The following P2RY10 variants were observed in gnomAD, a reference collection of about 807,000 sequenced individuals.
The protein encoded by P2RY10 is P2Y receptor family member 10.
In P2RY10, 4 loss-of-function variants were observed where a neutral mutation model predicts 12.1. The observed-to-expected ratio is 0.33, with a 90% CI of 0.16 to 0.76. The LOEUF (loss-of-function observed/expected upper bound fraction) is 0.76, where lower values mean the gene tolerates loss of function less well. Among genes scored for constraint, P2RY10 ranks in the 30% least tolerant of loss-of-function variants. P2RY10 has a pLI of 0.61. For missense variants in P2RY10, 233 were observed against 264.6 expected (o/e 0.88, Z 0.83); for synonymous variants, 112 against 94.1 (o/e 1.19, Z -1.10).
rs1192236820 is a variant in P2RY10 at position 78,962,549 on chromosome X, A to C, written c.*1009A>C. 1.8e-5 allele frequency among the ~76,000 whole-genome samples: 2 copies of C among 111,878 alleles called. No individual in the cohort carries two copies. Among genetic ancestry groups the C allele is most frequent in the African/African-American group, 6.5e-5 (2 of 30,754 alleles). ...AGCTAAGCCACATGAGATCAAGGCC[A>C]TTTCAACATGGTTTGCCTGGAATTC... On this transcript the variant is annotated 3_prime_UTR_variant, in exon 4 of 4. Coordinates refer to ENST00000171757, the MANE Select transcript of P2RY10 (RefSeq NM_014499.4).
rs761291604 is a variant in P2RY10 at position 78,962,928 on chromosome X, T to C, written c.*1388T>C. Among the ~76,000 whole-genome samples the C allele has an allele frequency of 6.2e-5, 7 of 112,444 alleles. No individual in the cohort carries two copies. Among genetic ancestry groups the C allele is most frequent in the African/African-American group, 2.3e-4 (7 of 31,048 alleles). ...ACTTTTAAGAAGATTTCTGTGAGCG[T>C]AATTGACAATATCTGCATTAGAAAC... On this transcript the variant is annotated 3_prime_UTR_variant, in exon 4 of 4. Coordinates refer to ENST00000171757, the MANE Select transcript of P2RY10 (RefSeq NM_014499.4).
At chrX:78,954,532 A>T (rs1026736983) in intron 3 of P2RY10, among the ~76,000 whole-genome samples, 1 of 112,385 alleles carries the variant, frequency 8.9e-6, no homozygotes, top group Non-Finnish European at 1.9e-5. Context: ...TTATTAAAAA[A>T]TTGACTTCCA....
At chrX:78,957,235 C>A (rs1922373377) in intron 3 of P2RY10, among the ~76,000 whole-genome samples, 1 of 109,160 alleles carries the variant, frequency 9.2e-6, no homozygotes, top group Non-Finnish European at 1.9e-5. Context: ...TCCCACATCC[C>A]TATGAGACAG....
At chrX:78,947,960 C>T (rs1921925642) in intron 2 of P2RY10, 97 bp downstream of exon 2, 1 of 204,379 alleles carries the variant, frequency 4.9e-6, no homozygotes, top group Non-Finnish European at 7.3e-6. Flanking sequence ...ACTCAGTTGG[C>T]ATTTCTCAAT....
rs774412112 is a variant in P2RY10 at position 78,950,087 on chromosome X, A to G, written c.-156-2106A>G. 3.6e-5 allele frequency among the ~76,000 whole-genome samples: 4 copies of G among 111,971 alleles called. No homozygotes were observed. The East Asian group carries it at 8.3e-4, about 23-fold the overall frequency. On this transcript the variant is annotated intron_variant, in intron 2 of 3. Transcript: ENST00000171757. ...CCCTCCCAGGATGACAAGCCCACAG[A>G]CAGGCTTCAGCATCAAATAAAATGG...
chrX:78,950,671 A>G (rs1198383183), intron 2 of P2RY10, among the ~76,000 whole-genome samples: 1 of 111,967 alleles, frequency 8.9e-6, no homozygotes, highest in East Asian at 2.8e-4. Flanking sequence ...CCATATATGC[A>G]TAGTGCATAT....
At chrX:78,956,765 A>G (rs1045212548) in intron 3 of P2RY10, among the ~76,000 whole-genome samples, 1 of 111,422 alleles carries the variant, frequency 9.0e-6, no homozygotes, top group Non-Finnish European at 1.9e-5. Flanking sequence ...CCACTTATTT[A>G]ACCTCTTTGA....
At chrX:78,957,650 G>C (rs1489958882) in intron 3 of P2RY10, among the ~76,000 whole-genome samples, 1 of 111,184 alleles carries the variant, frequency 9.0e-6, no homozygotes, top group Non-Finnish European at 1.9e-5. Context: ...TGGTCACTAA[G>C]AAGATTTGGG....
chrX:78,962,668 A>C lies in P2RY10; in HGVS notation c.*1128A>C, dbSNP rs1417648478. Among the ~76,000 whole-genome samples the C allele has an allele frequency of 9.0e-6, 1 of 111,228 alleles. No homozygotes were observed. The highest frequency in any genetic ancestry group is 1.9e-5 in the Non-Finnish European group (1 of 53,038). The stretch of plus-strand genomic sequence containing the variant: ...AGATGCGTTGTCCTAATACTGTTCC[A>C]AGGTAGAGAATCCTGATGATAAGGA... On this transcript the variant is annotated 3_prime_UTR_variant, in exon 4 of 4. Transcript: ENST00000171757.
chrX:78,954,914 G>A (rs764898395), intron 3 of P2RY10, among the ~76,000 whole-genome samples: 18 of 111,724 alleles, frequency 1.6e-4, no homozygotes, highest in Middle Eastern at 4.2e-3. Context: ...GAGAACAATC[G>A]ATAATTCAGA....
At chrX:78,957,413 G>A (rs1455334266) in intron 3 of P2RY10, among the ~76,000 whole-genome samples, 1 of 107,465 alleles carries the variant, frequency 9.3e-6, no homozygotes, top group East Asian at 2.9e-4. Flanking sequence ...GAGAGAGAGA[G>A]AGAGAGGGAT....
At chrX:78,946,057 C>T (rs1303178080) in intron 1 of P2RY10, among the ~76,000 whole-genome samples, 1 of 111,414 alleles carries the variant, frequency 9.0e-6, no homozygotes, top group Non-Finnish European at 1.9e-5. Context: ...AACTGAGAGC[C>T]AGTGAAGTGA....
intron 3 of P2RY10, among the ~76,000 whole-genome samples, chrX:78,954,273 A>T (rs1389187719): frequency 9.0e-6 from 1 of 111,575 alleles, no homozygotes; most frequent in Non-Finnish European, 1.9e-5. Flanking sequence ...ATTTCATTAA[A>T]AATCTTTCAT....
intron 3 of P2RY10, among the ~76,000 whole-genome samples, chrX:78,953,376 G>A (rs1232789031): frequency 8.9e-6 from 1 of 111,775 alleles, no homozygotes; most frequent in African/African-American, 3.3e-5. Flanking sequence ...TTATGTTAGA[G>A]AAAGAAAACC....
At chrX:78,947,768 C>A in intron 1 of P2RY10, 47 bp from the exon 2 acceptor site, 1 of 361,112 alleles carries the variant, frequency 2.8e-6, no homozygotes, top group Non-Finnish European at 3.6e-6. Flanking sequence ...TTCAGATCTC[C>A]AAGAGAACTG....
chrX:78,948,255 AC>A (rs1168847416), intron 2 of P2RY10, among the ~76,000 whole-genome samples: 1 of 112,021 alleles, frequency 8.9e-6, no homozygotes, highest in Non-Finnish European at 1.9e-5. Flanking sequence ...CTACCCTTTA[AC>A]TTTAAAAATT....
At position 78,961,551 on chromosome X, in the gene P2RY10, T is replaced by C. The variant is rs768847679; in HGVS notation, c.*11T>C. The C allele has an allele frequency of 1.8e-6, 2 of 1,140,840 alleles. No homozygotes were observed. Among genetic ancestry groups the C allele is most frequent in the South Asian group, 2.0e-5 (1 of 50,764 alleles). 94.0% of individuals were successfully genotyped at this position (1,140,840 alleles called of 1,213,427 possible). On this transcript the variant is annotated 3_prime_UTR_variant, in exon 4 of 4. Coordinates refer to ENST00000171757, the MANE Select transcript of P2RY10 (RefSeq NM_014499.4). ...TCAATGATTGGCTAAAATTAAGATA[T>C]CTCTTTAATTACGCCTTTGTTTACC...
Position 78,950,883 on chromosome X carries a change from C to T in P2RY10, c.-156-1310C>T, listed in dbSNP as rs766135017. On this transcript the variant is annotated intron_variant, in intron 2 of 3. Transcript: ENST00000171757. ...CTCTGACTGCAGAAAGTCACTTACT[C>T]CTGCTGAGACTCCATTTTCTAATCT... is the stretch of plus-strand genomic sequence containing the variant. Among the ~76,000 whole-genome samples, 15 of 112,059 alleles carry T rather than the reference C, an allele frequency of 1.3e-4. No homozygotes were observed. The South Asian group carries it at 5.2e-3, about 39-fold the overall frequency.
chrX:78,948,564 C>T (rs1246299666), intron 2 of P2RY10, among the ~76,000 whole-genome samples: 1 of 111,477 alleles, frequency 9.0e-6, no homozygotes, highest in Admixed American at 9.5e-5. Context: ...GCACCCACCA[C>T]CTCAGTAGTG....
Sources: gnomAD v4.1 joint callset for allele counts (sites outside exome capture counted in the v4.1 genomes callset) on GRCh38, gnomAD v4.1.1 for gene constraint, MANE v1.5 for transcripts, NCBI Gene and HGNC (gene_info 2026-07-23, HGNC 2026-07-21) for gene names.